Variants in VEPH1 observed in about 807,000 individuals in gnomAD.
VEPH1 encodes ventricular zone-expressed PH domain-containing protein homolog 1.
VEPH1 carries 80 observed loss-of-function variants against 85.2 expected under a neutral mutation model. The ratio of observed to expected loss-of-function variants is 0.94; its 90% CI spans 0.78 to 1.13. The LOEUF (loss-of-function observed/expected upper bound fraction) is 1.13. Among genes scored for constraint, VEPH1 ranks in the 50% most tolerant of loss-of-function variants. The pLI is 0.00. For missense variants in VEPH1, 955 were observed against 980.5 expected (o/e 0.97, Z 0.35); for synonymous variants, 297 against 348.0 (o/e 0.85, Z 1.63).
Position 157,433,477 on chromosome 3 carries a change from T to C in VEPH1, c.530-4989A>G, listed in dbSNP as rs1733320295. ...TTCTCATCTATTGATATGATGATTCTTCTCCTTTAAACTGTTAATGTAATA... is the reference window on the plus strand; with the variant it reads ...TTCTCATCTATTGATATGATGATTCCTCTCCTTTAAACTGTTAATGTAATA... On this transcript the variant is annotated intron_variant, in intron 4 of 13. Coordinates refer to ENST00000362010, the MANE Select transcript of VEPH1 (RefSeq NM_001167912.2). 1.3e-5 allele frequency among the ~76,000 whole-genome samples: 2 copies of C among 152,218 alleles called. 1 individual carries two copies. The highest frequency in any genetic ancestry group is 4.1e-4 in the South Asian group (2 of 4,836).
intron 2 of VEPH1, among the ~76,000 whole-genome samples, chr3:157,474,443 A>C (rs905233449): frequency 1.3e-5 from 2 of 152,060 alleles, no homozygotes; most frequent in Non-Finnish European, 2.9e-5. Context: ...TTTTATTCTT[A>C]TTTTTAAAAT....
intron 6 of VEPH1, among the ~76,000 whole-genome samples, chr3:157,385,629 CTCA>C (rs1467320097): frequency 6.6e-6 from 1 of 152,102 alleles, no homozygotes; most frequent in Non-Finnish European, 1.5e-5. Flanking sequence ...CATCTATATT[CTCA>C]TATGTTTCTG....
chr3:157,468,055 T>G (rs976301610), intron 3 of VEPH1, among the ~76,000 whole-genome samples: 2 of 152,240 alleles, frequency 1.3e-5, no homozygotes, highest in South Asian at 2.1e-4. Flanking sequence ...GTAGCATGCT[T>G]ACGATTCTCT....
intron 4 of VEPH1, among the ~76,000 whole-genome samples, chr3:157,440,879 T>C (rs1734064918): frequency 6.6e-6 from 1 of 152,150 alleles, no homozygotes. Context: ...AGAAACATGT[T>C]CTCCAACCAG....
chr3:157,393,543 T>C (rs539469214), intron 6 of VEPH1, among the ~76,000 whole-genome samples: 1 of 152,340 alleles, frequency 6.6e-6, no homozygotes, highest in Admixed American at 6.5e-5. Flanking sequence ...AATGTTTTAT[T>C]ATAAAGATTA....
At chr3:157,474,801 C>A (rs191276197) in intron 2 of VEPH1, among the ~76,000 whole-genome samples, 1 of 149,922 alleles carries the variant, frequency 6.7e-6, no homozygotes, top group African/African-American at 2.5e-5. Flanking sequence ...TGTGCTTTAT[C>A]TGTTAATTTG....
At chr3:157,404,296 AT>A (rs1474747649) in intron 6 of VEPH1, among the ~76,000 whole-genome samples, 3 of 152,248 alleles carry the variant, frequency 2.0e-5, no homozygotes, top group Non-Finnish European at 4.4e-5. Context: ...CAGAGTGCTT[AT>A]GGTGGGTTGG....
chr3:157,480,969 T>C (rs1408676651), intron 2 of VEPH1, among the ~76,000 whole-genome samples: 1 of 152,138 alleles, frequency 6.6e-6, no homozygotes, highest in Admixed American at 6.6e-5. Context: ...CTGCTGTTTT[T>C]TGACTTTTTA....
At chr3:157,428,192 G>C in intron 5 of VEPH1, 130 bp downstream of exon 5, 3 of 907,536 alleles carry the variant, frequency 3.3e-6, no homozygotes, top group Non-Finnish European at 4.8e-6. Flanking sequence ...GTAAGTAGAT[G>C]AGCGCTTTCA....
chr3:157,369,203 A>AAAAAAAAAAAAAAAC (rs1432731941), intron 7 of VEPH1, among the ~76,000 whole-genome samples: 1 of 148,962 alleles, frequency 6.7e-6, no homozygotes, highest in Non-Finnish European at 1.5e-5. Flanking sequence ...AAAAAAAAAA[A>AAAAAAAAAAAAAAAC]ACCTCCTGAG....
intron 4 of VEPH1, chr3:157,442,416 A>G (rs1461218138): frequency 9.3e-6 from 15 of 1,613,732 alleles, no homozygotes; most frequent in African/African-American, 1.3e-5. Context: ...GATTTTTGGA[A>G]GCGTGCATCC....
intron 12 of VEPH1, among the ~76,000 whole-genome samples, chr3:157,279,792 C>T (rs1359468371): frequency 7.2e-5 from 11 of 151,892 alleles, no homozygotes; most frequent in East Asian, 1.9e-4. Context: ...CCGAGGCGGG[C>T]GGATCACGAG....
intron 2 of VEPH1, among the ~76,000 whole-genome samples, chr3:157,474,703 G>T (rs1350150): frequency 0.64 from 97,713 of 151,924 alleles, 31,973 homozygotes; most frequent in African/African-American, 0.76. Flanking sequence ...CCCTGCCTTA[G>T]CAAATGAGTG....
intron 13 of VEPH1, 80 bp from the exon 14 acceptor site, chr3:157,261,450 G>C: frequency 6.4e-7 from 1 of 1,560,386 alleles, no homozygotes; most frequent in Non-Finnish European, 8.6e-7. Flanking sequence ...AACTTTCTAA[G>C]AGGGCCAGAA....
At chr3:157,451,110 G>T (rs933786058) in intron 4 of VEPH1, among the ~76,000 whole-genome samples, 1 of 152,200 alleles carries the variant, frequency 6.6e-6, no homozygotes. Context: ...ATAAGGTGGA[G>T]AATGTTTTTC....
chr3:157,352,954 A>G (rs1294379127), intron 9 of VEPH1, among the ~76,000 whole-genome samples: 1 of 152,148 alleles, frequency 6.6e-6, no homozygotes, highest in African/African-American at 2.4e-5. Context: ...TGGAGCCTCT[A>G]TAGGGAGCAG....
intron 4 of VEPH1, among the ~76,000 whole-genome samples, chr3:157,458,314 T>C (rs898353606): frequency 6.6e-6 from 1 of 152,108 alleles, no homozygotes; most frequent in Non-Finnish European, 1.5e-5. Flanking sequence ...ATTTGTGTCT[T>C]AATCGCCTTC....
At chr3:157,307,822 T>G (rs1440988655) in intron 11 of VEPH1, among the ~76,000 whole-genome samples, 1 of 151,812 alleles carries the variant, frequency 6.6e-6, no homozygotes, top group Non-Finnish European at 1.5e-5. Flanking sequence ...TGGTTGTTCT[T>G]GACCATGAAA....
chr3:157,382,688 C>T (rs1026290601), intron 6 of VEPH1, among the ~76,000 whole-genome samples: 1 of 152,138 alleles, frequency 6.6e-6, no homozygotes, highest in African/African-American at 2.4e-5. Flanking sequence ...TTACTCTTCT[C>T]GTTAGGAATT....
Sources: allele counts gnomAD v4.1 joint callset (sites outside exome capture counted in the v4.1 genomes callset), GRCh38; gene constraint gnomAD v4.1.1; transcripts MANE v1.5; gene names NCBI Gene and HGNC (gene_info 2026-07-23, HGNC 2026-07-21).